The following RTL4 variants were observed in gnomAD, a reference collection of about 807,000 sequenced individuals.
RTL4 encodes retrotransposon Gag like 4, also known as retrotransposon Gag-like protein 4.
Under a neutral mutation model 5.3 loss-of-function variants are expected in RTL4, and 4 were observed. The observed-to-expected ratio is 0.75, with a 90% confidence interval of 0.37 to 1.72. The LOEUF is 1.72. Ranked by LOEUF, RTL4 falls within the 40% of genes most tolerant of loss-of-function variation. RTL4 has a pLI of 0.04. For synonymous variants in RTL4, 98 were observed against 87.3 expected, an observed-to-expected ratio of 1.12 and a Z score of -0.68; for missense variants, 260 against 227.1, an observed-to-expected ratio of 1.14 and a Z score of -0.93.
At chrX:112,200,606 G>A in the RTL4 span, among the ~76,000 whole-genome samples, 2 of 112,093 alleles carry the variant, frequency 1.8e-5, no homozygotes, top group Non-Finnish European at 3.8e-5. Flanking sequence ...GAATTGGTGA[G>A]AAGGACAGGT....
chrX:112,408,910 A>G, the RTL4 span, among the ~76,000 whole-genome samples: 1 of 112,426 alleles, frequency 8.9e-6, no homozygotes, highest in African/African-American at 3.2e-5. Flanking sequence ...TCAGCCTAGC[A>G]TAGTATATCC....
At chrX:112,254,855 A>G in the RTL4 span, among the ~76,000 whole-genome samples, 2 of 112,185 alleles carry the variant, frequency 1.8e-5, no homozygotes, top group Non-Finnish European at 3.8e-5. Context: ...TGTTTTTCTC[A>G]TGAGATATGA....
At chrX:112,110,653 T>G in the RTL4 span, among the ~76,000 whole-genome samples, 2 of 112,454 alleles carry the variant, frequency 1.8e-5, no homozygotes, top group African/African-American at 3.2e-5. Context: ...TCAGTCCATA[T>G]TAACTTAGAA....
At chrX:112,244,484 C>T in the RTL4 span, among the ~76,000 whole-genome samples, 2 of 111,253 alleles carry the variant, frequency 1.8e-5, no homozygotes, top group South Asian at 7.6e-4. Context: ...TGTTTGTTTA[C>T]AGTCTGTTTT....
chrX:112,452,360 C>G (rs1464472907), upstream of RTL4, among the ~76,000 whole-genome samples: 1 of 105,643 alleles, frequency 9.5e-6, no homozygotes, highest in Non-Finnish European at 1.9e-5. Flanking sequence ...CTCGGCCTCC[C>G]AAAGTGCTGG....
the RTL4 span, among the ~76,000 whole-genome samples, chrX:112,414,348 C>T: frequency 9.0e-6 from 1 of 111,487 alleles, no homozygotes; most frequent in African/African-American, 3.2e-5. Context: ...TTAAACTTTG[C>T]GTAGTCTTTT....
At chrX:112,243,897 C>G in the RTL4 span, among the ~76,000 whole-genome samples, 2 of 111,778 alleles carry the variant, frequency 1.8e-5, no homozygotes, top group Non-Finnish European at 3.8e-5. Context: ...TACATTGTGT[C>G]TTTGTTCTCA....
the RTL4 span, among the ~76,000 whole-genome samples, chrX:112,305,274 A>G: frequency 1.8e-5 from 2 of 108,541 alleles, no homozygotes; most frequent in Non-Finnish European, 3.8e-5. Context: ...CTCCTGCCTC[A>G]GCCTCCTGAG....
the RTL4 span, among the ~76,000 whole-genome samples, chrX:112,339,263 CTA>C: frequency 3.6e-5 from 4 of 111,804 alleles, no homozygotes; most frequent in African/African-American, 1.3e-4. Context: ...GCTGGGATAA[CTA>C]TGTAATTTGT....
At chrX:112,287,231 G>C in the RTL4 span, among the ~76,000 whole-genome samples, 3 of 111,382 alleles carry the variant, frequency 2.7e-5, no homozygotes, top group African/African-American at 9.8e-5. Context: ...ATAAAGAGAG[G>C]TCATTATTAA....
chrX:112,162,017 T>G, the RTL4 span, among the ~76,000 whole-genome samples: 2 of 110,127 alleles, frequency 1.8e-5, no homozygotes, highest in Non-Finnish European at 3.8e-5. Flanking sequence ...TTTTATAATT[T>G]GCTTCAACAG....
chrX:112,310,606 TTA>T, the RTL4 span, among the ~76,000 whole-genome samples: 2 of 57,970 alleles, frequency 3.5e-5, no homozygotes, highest in Non-Finnish European at 5.5e-5. Context: ...TTATATATAT[TTA>T]TATATATTTA....
chrX:112,238,461 C>T, the RTL4 span, among the ~76,000 whole-genome samples: 1 of 111,065 alleles, frequency 9.0e-6, no homozygotes, highest in Admixed American at 9.6e-5. Context: ...TATTCTATTC[C>T]CCTCTTGAAA....
chrX:112,128,212 G>A, the RTL4 span, among the ~76,000 whole-genome samples: 1 of 111,636 alleles, frequency 9.0e-6, no homozygotes, highest in South Asian at 3.8e-4. Context: ...ACTGGCATAA[G>A]GACATATCTG....
chrX:112,237,402 G>A, the RTL4 span, among the ~76,000 whole-genome samples: 8 of 111,961 alleles, frequency 7.1e-5, no homozygotes, highest in Non-Finnish European at 1.5e-4. Flanking sequence ...TTTGCCCTTA[G>A]AATTCTTTGA....
At chrX:112,361,764 C>T in the RTL4 span, among the ~76,000 whole-genome samples, 22 of 110,839 alleles carry the variant, frequency 2.0e-4, no homozygotes, top group Non-Finnish European at 2.7e-4. Flanking sequence ...CTTGCTTGCT[C>T]GCTCTCCCCT....
chrX:112,257,997 G>T, the RTL4 span, among the ~76,000 whole-genome samples: 4 of 107,765 alleles, frequency 3.7e-5, no homozygotes, highest in African/African-American at 1.4e-4. Flanking sequence ...TTCTTTGAAA[G>T]GTTGTTTTTG....
chrX:112,380,177 C>T, the RTL4 span, among the ~76,000 whole-genome samples: 5 of 104,122 alleles, frequency 4.8e-5, no homozygotes, highest in East Asian at 1.5e-3. Flanking sequence ...GATGGAGTCT[C>T]GCTGTGTTGC....
At chrX:112,295,355 T>A in the RTL4 span, among the ~76,000 whole-genome samples, 4 of 112,080 alleles carry the variant, frequency 3.6e-5, no homozygotes, top group South Asian at 1.5e-3. Context: ...TAGGGCAGTA[T>A]GCTTTTTGGT....
Sources: gnomAD v4.1 joint callset for allele counts (sites outside exome capture counted in the v4.1 genomes callset) on GRCh38, gnomAD v4.1.1 for gene constraint, MANE v1.5 for transcripts, NCBI Gene and HGNC (gene_info 2026-07-23, HGNC 2026-07-21) for gene names.